MTNR1B: variants seen among roughly 807,000 people sequenced by gnomAD.
The protein encoded by MTNR1B is melatonin receptor 1B, also known as melatonin receptor type 1B.
A neutral mutation model predicts 7.0 loss-of-function variants in MTNR1B; 7 were observed. That is an observed-to-expected ratio of 1.00 (90% CI 0.57 to 1.88). The LOEUF (loss-of-function observed/expected upper bound fraction) is 1.88. Among genes scored for constraint, MTNR1B ranks in the 40% most tolerant of loss-of-function variants. The pLI is 0.00. For missense variants in MTNR1B, 478 were observed against 486.5 expected (o/e 0.98, Z 0.16); for synonymous variants, 226 against 208.2 (o/e 1.09, Z -0.74).
rs1321121374 is a variant in MTNR1B at position 92,979,977 on chromosome 11, G to A, written c.224-1470G>A. Among the ~76,000 whole-genome samples the A allele has an allele frequency of 6.6e-5, 10 of 152,296 alleles. No homozygotes were observed. The East Asian group carries it at 1.9e-3, about 29-fold the overall frequency. ...CTGACTCAGGTGAAATCCCAGCTGG[G>A]CGGCTCTCAGCCTCCCTTTTTCTGT... On this transcript the variant is annotated intron_variant, in intron 1 of 1. Coordinates refer to ENST00000257068, the MANE Select transcript of MTNR1B (RefSeq NM_005959.5).
downstream of MTNR1B, among the ~76,000 whole-genome samples, chr11:92,984,309 G>A (rs4753073): frequency 0.54 from 82,808 of 151,968 alleles, 22,936 homozygotes; most frequent in East Asian, 0.7. Flanking sequence ...TTGTGGGGCA[G>A]GTCTAGGAAT....
intron 1 of MTNR1B, among the ~76,000 whole-genome samples, chr11:92,976,907 C>T (rs1168198427): frequency 6.6e-6 from 1 of 152,166 alleles, no homozygotes; most frequent in African/African-American, 2.4e-5. Context: ...TGCTGTCAAC[C>T]TTAAGGAATT....
chr11:92,982,361 G>A lies in MTNR1B; in HGVS notation c.*49G>A. 6.4e-7 allele frequency: 1 copy of A among 1,570,180 alleles called. No homozygotes were observed. The highest frequency in any genetic ancestry group is 8.6e-7 in the Non-Finnish European group (1 of 1,160,776). ...GCATGACAAACTCATGAAATGGTGG[G>A]AGAGAGTCTGCTGCAAGGGTGAGAC... On this transcript the variant is annotated 3_prime_UTR_variant, in exon 2 of 2. Transcript: ENST00000257068.
At chr11:92,977,418 C>T (rs530355184) in intron 1 of MTNR1B, among the ~76,000 whole-genome samples, 2 of 152,338 alleles carry the variant, frequency 1.3e-5, no homozygotes, top group East Asian at 1.9e-4. Context: ...TGCCCATCCC[C>T]AGAACATAAT....
Position 92,969,684 on chromosome 11 carries a change from G to C in MTNR1B, c.-42G>C, listed in dbSNP as rs780963365. ...TACTGCGCGCGCCCTGCGGCTGTCC[G>C]GGGCCGCGCGGTGGCCAAAGCACAG... is the stretch of plus-strand genomic sequence containing the variant. On this transcript the variant is annotated 5_prime_UTR_variant, in exon 1 of 2. Coordinates refer to ENST00000257068, the MANE Select transcript of MTNR1B (RefSeq NM_005959.5). 4 of 1,395,850 alleles carry C rather than the reference G, an allele frequency of 2.9e-6. No individual in the cohort carries two copies. The highest frequency in any genetic ancestry group is 1.5e-5 in the African/African-American group (1 of 66,776). 86.5% of individuals were successfully genotyped at this position (1,395,850 alleles called of 1,614,324 possible).
At chr11:92,981,255 A>G (rs1285443967) in intron 1 of MTNR1B, among the ~76,000 whole-genome samples, 192 bp from the exon 2 acceptor site, 1 of 152,182 alleles carries the variant, frequency 6.6e-6, no homozygotes, top group Non-Finnish European at 1.5e-5. Context: ...GGGCTCTGAG[A>G]GCCTAAACAG....
At chr11:92,983,281 C>T (rs774253967), downstream of MTNR1B, among the ~76,000 whole-genome samples, 1 of 152,106 alleles carries the variant, frequency 6.6e-6, no homozygotes, top group East Asian at 1.9e-4. Flanking sequence ...TCACCGGATG[C>T]GGTGCCTCAC....
rs188685740 is a variant in MTNR1B at position 92,974,533 on chromosome 11, G to A, written c.223+4585G>A. Among the ~76,000 whole-genome samples the A allele has an allele frequency of 2.4e-3, 362 of 152,156 alleles. 2 individuals are homozygous for A. Among genetic ancestry groups the A allele is most frequent in the African/African-American group, 7.9e-3 (327 of 41,508 alleles). On this transcript the variant is annotated intron_variant, in intron 1 of 1. Coordinates refer to ENST00000257068, the MANE Select transcript of MTNR1B (RefSeq NM_005959.5). Reference sequence around the variant, plus strand: ...GGCTGGAGTGCAATGGCATGATCTCGGCTTACTGCAACCTCTCCTGCCTCA... The same window carrying A: ...GGCTGGAGTGCAATGGCATGATCTCAGCTTACTGCAACCTCTCCTGCCTCA...
At chr11:92,984,329 A>G (rs189168090), downstream of MTNR1B, among the ~76,000 whole-genome samples, 8 of 152,308 alleles carry the variant, frequency 5.3e-5, no homozygotes, top group East Asian at 1.5e-3. Flanking sequence ...TCTGATTCCA[A>G]TACTTGAGGT....
intron 1 of MTNR1B, among the ~76,000 whole-genome samples, chr11:92,972,251 T>C (rs1857938895): frequency 6.6e-6 from 1 of 152,156 alleles, no homozygotes; most frequent in Non-Finnish European, 1.5e-5. Flanking sequence ...ATTAAAAAAT[T>C]AAGTCTGTAA....
At position 92,982,671 on chromosome 11, in the gene MTNR1B, CT is replaced by C; in HGVS notation, c.*361del. On this transcript the variant is annotated 3_prime_UTR_variant, in exon 2 of 2. Coordinates refer to ENST00000257068, the MANE Select transcript of MTNR1B (RefSeq NM_005959.5). ...CTTGGCCTCCTGGCTGCTTTCTCCC[CT>C]TCCCCCCAGCGTGGCAGGATCTCTT... 3.5e-6 allele frequency: 1 copy of C among 285,242 alleles called. No homozygotes were observed. Among genetic ancestry groups the C allele is most frequent in the Non-Finnish European group, 6.6e-6 (1 of 152,660 alleles). The allele number at this position is 285,242 out of a possible 1,614,324, so 17.7% of individuals were successfully genotyped here.
chr11:92,972,959 A>G (rs1256332445), intron 1 of MTNR1B, among the ~76,000 whole-genome samples: 1 of 151,984 alleles, frequency 6.6e-6, no homozygotes, highest in Admixed American at 6.6e-5. Flanking sequence ...TTTCAGCCAG[A>G]CATTTTAATG....
At chr11:92,971,834 C>A (rs1453673087) in intron 1 of MTNR1B, among the ~76,000 whole-genome samples, 2 of 152,144 alleles carry the variant, frequency 1.3e-5, no homozygotes, top group Non-Finnish European at 2.9e-5. Flanking sequence ...AAGAGCATCA[C>A]TGGGGAGGGT....
intron 1 of MTNR1B, among the ~76,000 whole-genome samples, chr11:92,980,954 G>A (rs1554991137): frequency 6.6e-6 from 1 of 152,238 alleles, no homozygotes; most frequent in Non-Finnish European, 1.5e-5. Context: ...CTGTTAACCA[G>A]TGGGGAGAAA....
intron 1 of MTNR1B, among the ~76,000 whole-genome samples, chr11:92,979,865 G>A (rs997466457): frequency 6.6e-6 from 1 of 152,188 alleles, no homozygotes; most frequent in African/African-American, 2.4e-5. Flanking sequence ...CTTTGAGATG[G>A]GGTGAATGTG....
chr11:92,981,917 A>G lies in MTNR1B; in HGVS notation c.694A>G (p.Arg232Gly). Residue 232 changes from arginine to glycine, a missense_variant, in exon 2 of 2, where the codon AGG becomes GGG. Physicochemically the swap from Arg to Gly is moderately radical, Grantham distance 125. Transcript: ENST00000257068. ...CTGGGTGCTGGTGCTTCAGGCCCGC[A>G]GGAAAGCCAAGCCAGAGAGCAGGCT... ...RIWVLVLQAR[R>G]KAKPESRLCL... is the part of the protein sequence containing the mutation. The G allele has an allele frequency of 6.2e-7, 1 of 1,614,180 alleles. No homozygotes were observed. The highest frequency in any genetic ancestry group is 8.5e-7 in the Non-Finnish European group (1 of 1,180,028).
At position 92,982,747 on chromosome 11, in the gene MTNR1B, A is replaced by C; in HGVS notation, c.*435A>C. 1 of 207,820 alleles carries C rather than the reference A, an allele frequency of 4.8e-6. No individual in the cohort carries two copies. Among genetic ancestry groups the C allele is most frequent in the Non-Finnish European group, 9.7e-6 (1 of 102,950 alleles). The allele number at this position is 207,820 out of a possible 1,614,324, so 12.9% of individuals were successfully genotyped here. ...AGGTCAGTAGGACTGGAACTTGGTA[A>C]CTGCAAGGGCCTCAGGTGGGGCAGG... On this transcript the variant is annotated 3_prime_UTR_variant, in exon 2 of 2. Coordinates refer to ENST00000257068, the MANE Select transcript of MTNR1B (RefSeq NM_005959.5).
intron 1 of MTNR1B, 125 bp from the exon 2 acceptor site, chr11:92,981,322 T>C: frequency 7.5e-7 from 1 of 1,334,582 alleles, no homozygotes; most frequent in Non-Finnish European, 1.0e-6. Context: ...TCTTCAGTTC[T>C]GTGCCTCTAA....
intron 1 of MTNR1B, among the ~76,000 whole-genome samples, chr11:92,974,454 A>G (rs911565122): frequency 7.2e-5 from 11 of 152,164 alleles, no homozygotes; most frequent in African/African-American, 2.6e-4. Context: ...AGCCTTGGGT[A>G]TGTCTTTTGT....
Sources: allele counts gnomAD v4.1 joint callset (sites outside exome capture counted in the v4.1 genomes callset), GRCh38; gene constraint gnomAD v4.1.1; transcripts MANE v1.5; gene names NCBI Gene and HGNC (gene_info 2026-07-23, HGNC 2026-07-21).